The following CHRNA4 variants were observed in gnomAD, a reference collection of about 807,000 sequenced individuals.
CHRNA4 encodes neuronal acetylcholine receptor subunit alpha-4.
CHRNA4 carries 28 observed loss-of-function variants against 48.9 expected under a neutral mutation model. That is an observed-to-expected ratio of 0.57 (90% confidence interval 0.42 to 0.79). CHRNA4 has a LOEUF of 0.79. Among genes scored for constraint, CHRNA4 ranks in the 30% least tolerant of loss-of-function variants. The pLI is 0.00. For synonymous variants in CHRNA4, 425 were observed against 402.3 expected (o/e 1.06, Z -0.68); for missense variants, 859 against 898.4 (o/e 0.96, Z 0.56).
chr20:63,357,657 G>A lies in CHRNA4; in HGVS notation c.229-1242C>T, dbSNP rs530220336. 7.2e-5 allele frequency among the ~76,000 whole-genome samples: 4 copies of A among 55,932 alleles called. No individual in the cohort carries two copies. The South Asian group carries it at 2.3e-3, about 32-fold the overall frequency. 36.7% of individuals were successfully genotyped at this position (55,932 alleles called of 152,430 possible). On this transcript the variant is annotated intron_variant, in intron 2 of 5. Coordinates refer to ENST00000370263, the MANE Select transcript of CHRNA4 (RefSeq NM_000744.7). The stretch of plus-strand genomic sequence containing the variant: ...GGGCACAGGTGAATCCCCAGCCCCT[G>A]GTGGGACGGGCAGAGTGGGCCAGAC...
chr20:63,354,784 C>T (rs930747443), intron 4 of CHRNA4: 3 of 309,550 alleles, frequency 9.7e-6, no homozygotes, highest in Non-Finnish European at 1.4e-5. Flanking sequence ...GTCACACAGG[C>T]GGATTCGGTG....
At chr20:63,359,276 C>T in intron 2 of CHRNA4, 1 of 515,676 alleles carries the variant, frequency 1.9e-6, no homozygotes. Context: ...TCCGAAGGTG[C>T]CTGGGCTCTG....
Position 63,346,708 on chromosome 20 carries a change from C to T in CHRNA4, c.*30G>A. Reference sequence around the variant, plus strand: ...TGGATGCTGGCCCCGTGCACGGCAGCCCCAGGCCACGCAGGCTCCCGGTCC... The same window carrying T: ...TGGATGCTGGCCCCGTGCACGGCAGTCCCAGGCCACGCAGGCTCCCGGTCC... On this transcript the variant is annotated 3_prime_UTR_variant, in exon 6 of 6. Transcript: ENST00000370263. 1 of 1,592,824 alleles carries T rather than the reference C, an allele frequency of 6.3e-7. No homozygotes were observed. The highest frequency in any genetic ancestry group is 2.3e-5 in the East Asian group (1 of 44,198).
chr20:63,351,157 CCACATCCA>C (rs2068596911), intron 4 of CHRNA4, 130 bp from the exon 5 acceptor site: 1 of 786,052 alleles, frequency 1.3e-6, no homozygotes, highest in African/African-American at 2.0e-5. Context: ...ACGTCCACGC[CCACATCCA>C]CGTCCACGCC....
At chr20:63,357,795 G>A (rs778238188) in intron 2 of CHRNA4, among the ~76,000 whole-genome samples, 2 of 152,226 alleles carry the variant, frequency 1.3e-5, no homozygotes, top group African/African-American at 2.4e-5. Context: ...ACCCAGGAGC[G>A]TCAGCACCCA....
intron 5 of CHRNA4, among the ~76,000 whole-genome samples, chr20:63,347,819 G>A (rs2068520323): frequency 6.6e-6 from 1 of 152,184 alleles, no homozygotes; most frequent in Non-Finnish European, 1.5e-5. Flanking sequence ...CGGGGGCCTG[G>A]GCACACTGTG....
In CHRNA4 at chr20:63,344,493, T is replaced by C. The variant is rs1568801883; in HGVS notation, c.*2245A>G. The C allele has an allele frequency of 4.9e-6, 2 of 411,526 alleles. No individual in the cohort carries two copies. Among genetic ancestry groups the C allele is most frequent in the Admixed American group, 2.7e-5 (1 of 36,388 alleles). The allele number at this position is 411,526 out of a possible 1,614,324, so 25.5% of individuals were successfully genotyped here. A position where few individuals can be genotyped will look rare whatever the true frequency, so the allele number is the denominator to read the frequency against. On this transcript the variant is annotated 3_prime_UTR_variant, in exon 6 of 6. Transcript: ENST00000370263. This position sits in a 1 kb window ranked among gnomAD's most constrained non-coding sequence, Gnocchi z 4.5. ...TTTATTTGGATTTTTTTTTTGAGCC[T>C]CAAAAAAAAAAAGAAAGGGAAAGGG...
intron 4 of CHRNA4, among the ~76,000 whole-genome samples, chr20:63,352,237 G>A (rs1489637389): frequency 6.6e-6 from 1 of 152,184 alleles, no homozygotes; most frequent in Non-Finnish European, 1.5e-5. Flanking sequence ...TGTTCCCTGA[G>A]CTTCCTCTGT....
rs62206911 is a variant in CHRNA4, at chr20:63,357,132, G to A, written c.229-717C>T. ...CATTCCCACAGGACCACGTCTCCAC[G>A]GACCGTGTCCCCACAGGACCACGTC... is the stretch of plus-strand genomic sequence containing the variant. On this transcript the variant is annotated intron_variant, in intron 2 of 5. Transcript: ENST00000370263. Among the ~76,000 whole-genome samples the A allele has an allele frequency of 9.7e-5, 14 of 143,920 alleles. 1 individual carries two copies. The South Asian group carries it at 1.2e-3, about 12-fold the overall frequency. The allele number at this position is 143,920 out of a possible 152,430, so 94.4% of individuals were successfully genotyped here. A position where few individuals can be genotyped will look rare whatever the true frequency, so the allele number is the denominator to read the frequency against.
At chr20:63,349,622 G>A (rs1175334260) in intron 5 of CHRNA4, 31 bp downstream of exon 5, 2 of 1,611,800 alleles carry the variant, frequency 1.2e-6, no homozygotes, top group South Asian at 1.1e-5. Flanking sequence ...CTGGGTCAGA[G>A]GCGCCCAACA....
intron 4 of CHRNA4, chr20:63,355,507 G>A (rs2068703036): frequency 1.6e-6 from 2 of 1,290,158 alleles, no homozygotes; most frequent in Admixed American, 2.3e-5. Flanking sequence ...CCTCTCCAGG[G>A]CACCCTGCAG....
At position 63,350,285 on chromosome 20, in the gene CHRNA4, G is replaced by C; in HGVS notation, c.1126C>G (p.His376Asp). 1 of 1,612,632 alleles carries C rather than the reference G, an allele frequency of 6.2e-7. No individual in the cohort carries two copies. The highest frequency in any genetic ancestry group is 8.5e-7 in the Non-Finnish European group (1 of 1,179,884). Residue 376 changes from histidine (H) to aspartate (D), a missense_variant, in exon 5 of 6, where the codon CAT (histidine) becomes GAT (aspartate). His to Asp is a moderately conservative substitution (Grantham distance 81, BLOSUM62 -1). Around this residue, in one of 3 missense-constraint regions of CHRNA4, gnomAD observed 478 missense variants for 455.4 expected, o/e 1.05. Coordinates refer to ENST00000370263, the MANE Select transcript of CHRNA4 (RefSeq NM_000744.7). ...AAGCGCGGGGCACTGGCCATCTTATGCATGGACTCGATGAGCCGCCGGCAA... is the reference window on the plus strand; with the variant it reads ...AAGCGCGGGGCACTGGCCATCTTATCCATGGACTCGATGAGCCGCCGGCAA... Reference protein sequence around the residue: ...DNCRRLIESMHKMASAPRFWP... With the variant: ...DNCRRLIESMDKMASAPRFWP...
rs1212502502 is a variant in CHRNA4, at chr20:63,356,546, G to A, written c.229-131C>T. ...ATATGGTGGACGGGCGACCTGTGGA[G>A]GGGGTGAGTGCCCCGTCCCTGGAGG... is the stretch of plus-strand genomic sequence containing the variant. On this transcript the variant is annotated intron_variant, in intron 2 of 5. Transcript: ENST00000370263. 4.2e-6 allele frequency: 4 copies of A among 941,768 alleles called. No individual in the cohort carries two copies. The African/African-American group carries it at 4.9e-5, about 12-fold the overall frequency. The allele number at this position is 941,768 out of a possible 1,614,324, so 58.3% of individuals were successfully genotyped here. A position where few individuals can be genotyped will look rare whatever the true frequency, so the allele number is the denominator to read the frequency against.
Position 63,349,922 on chromosome 20 carries a change from C to T in CHRNA4, c.1489G>A (p.Asp497Asn), listed in dbSNP as rs1356056029. The T allele has an allele frequency of 6.3e-6, 10 of 1,591,434 alleles. No individual in the cohort carries two copies. Among genetic ancestry groups the T allele is most frequent in the African/African-American group, 1.3e-5 (1 of 74,512 alleles). ...TGGCCATCTGCCTCGGGGGCGGCATCGTCTCGGGGAACACAGTACTGGATG... is the reference window on the plus strand; with the variant it reads ...TGGCCATCTGCCTCGGGGGCGGCATTGTCTCGGGGAACACAGTACTGGATG... ...RSIQYCVPRD[D>N]AAPEADGQAA... Residue 497 changes from aspartate (D) to asparagine (N), a missense_variant, in exon 5 of 6, where the codon GAT becomes AAT. Asp to Asn is a conservative substitution (Grantham distance 23). Coordinates refer to ENST00000370263, the MANE Select transcript of CHRNA4 (RefSeq NM_000744.7).
At position 63,344,012 on chromosome 20, in the gene CHRNA4, A is replaced by T. The variant is rs2068444683; in HGVS notation, c.*2726T>A. Reference sequence around the variant, plus strand: ...GCATAACGGATAGAGTGCCATGCACACACCGGCACCTCCATTCCTAATCAC... The same window carrying T: ...GCATAACGGATAGAGTGCCATGCACTCACCGGCACCTCCATTCCTAATCAC... On this transcript the variant is annotated 3_prime_UTR_variant, in exon 6 of 6. Transcript: ENST00000370263. The surrounding 1 kb of genome is among the most constrained non-coding windows in gnomAD (Gnocchi z 4.5). 1 of 454,174 alleles carries T rather than the reference A, an allele frequency of 2.2e-6. No homozygotes were observed. The highest frequency in any genetic ancestry group is 4.4e-6 in the Non-Finnish European group (1 of 226,796). The allele number at this position is 454,174 out of a possible 1,614,324, so 28.1% of individuals were successfully genotyped here.
intron 4 of CHRNA4, among the ~76,000 whole-genome samples, chr20:63,351,940 G>A (rs1052172981): frequency 1.3e-5 from 2 of 152,210 alleles, no homozygotes; most frequent in African/African-American, 4.8e-5. Context: ...AGGCAGCCAG[G>A]CTCACGGGGG....
intron 5 of CHRNA4, 67 bp from the exon 6 acceptor site, chr20:63,346,930 CCCGGCGCCG>C: frequency 6.2e-7 from 1 of 1,605,034 alleles, no homozygotes; most frequent in East Asian, 2.2e-5. Flanking sequence ...CCCTCAGGAC[CCCGGCGCCG>C]CCGGCAACAG....
intron 1 of CHRNA4, 37 bp downstream of exon 1, chr20:63,361,053 G>C (rs1354489416): frequency 7.2e-7 from 1 of 1,396,996 alleles, no homozygotes; most frequent in Non-Finnish European, 9.3e-7. Flanking sequence ...ATCCGAACGC[G>C]GGCGAAAGGG....
Position 63,344,201 on chromosome 20 carries a change from G to T in CHRNA4, c.*2537C>A, listed in dbSNP as rs1209368457. The T allele has an allele frequency of 2.2e-6, 1 of 453,934 alleles. No individual in the cohort carries two copies. Among genetic ancestry groups the T allele is most frequent in the African/African-American group, 2.0e-5 (1 of 49,966 alleles). The allele number at this position is 453,934 out of a possible 1,614,324, so 28.1% of individuals were successfully genotyped here. ...AAGCTCTAAGTCATAGGATGAAGAA[G>T]CCAGACATCAAAGGCTCCAACTGCA... On this transcript the variant is annotated 3_prime_UTR_variant, in exon 6 of 6. Transcript: ENST00000370263. This position sits in a 1 kb window ranked among gnomAD's most constrained non-coding sequence, Gnocchi z 4.5.
Sources: gnomAD v4.1 joint callset for allele counts (sites outside exome capture counted in the v4.1 genomes callset) on GRCh38, gnomAD v4.1.1 for gene constraint, gnomAD v4.1.1 regional missense constraint, Gnocchi (gnomAD v3.1) non-coding constraint, MANE v1.5 for transcripts, NCBI Gene and HGNC (gene_info 2026-07-23, HGNC 2026-07-21) for gene names.